Variants in KHNYN observed in about 807,000 individuals in gnomAD.
KHNYN encodes the protein protein KHNYN.
In KHNYN, 42 loss-of-function variants were observed where a neutral mutation model predicts 62.7. The observed-to-expected ratio is 0.67, with a 90% confidence interval of 0.52 to 0.87. The LOEUF (loss-of-function observed/expected upper bound fraction) is 0.87. Among genes scored for constraint, KHNYN ranks in the 40% least tolerant of loss-of-function variants. The pLI, the probability that KHNYN is intolerant of heterozygous loss-of-function variation, is 0.00. For synonymous variants in KHNYN, 347 were observed against 345.6 expected, an observed-to-expected ratio of 1.00 and a Z score of -0.04; for missense variants, 829 against 874.1, an observed-to-expected ratio of 0.95 and a Z score of 0.65.
chr14:24,432,779 C>G lies in KHNYN; in HGVS notation c.1407C>G (p.Phe469Leu). The G allele has an allele frequency of 6.2e-7, 1 of 1,614,224 alleles. No individual in the cohort carries two copies. Residue 469 changes from phenylalanine to leucine, a missense_variant, in exon 4 of 8, where the codon TTC becomes TTG. By Grantham distance (22) the Phe-to-Leu change is conservative (BLOSUM62 0). Transcript: ENST00000553935. This position sits in a 1 kb window ranked among gnomAD's most constrained non-coding sequence, Gnocchi z 5.6. ...GCATTGCCATTGCTGTGCAGTACTTCTGGGACCGTGGTCACCGTGACATAA... is the reference window on the plus strand; with the variant it reads ...GCATTGCCATTGCTGTGCAGTACTTGTGGGACCGTGGTCACCGTGACATAA... Reference protein sequence around the residue: ...SRGIAIAVQYFWDRGHRDITV... With the variant: ...SRGIAIAVQYLWDRGHRDITV...
Position 24,432,221 on chromosome 14 carries a change from T to A in KHNYN, c.960T>A (p.Cys320Ter). 6.2e-7 allele frequency: 1 copy of A among 1,603,050 alleles called. No homozygotes were observed. The highest frequency in any genetic ancestry group is 1.1e-5 in the South Asian group (1 of 89,524). ...EEIALGGGGF[C>*]VHREPPGAHG... ...TAGCTCTGGGAGGAGGAGGGTTCTG[T>A]GTCCACCGTGAGCCTCCCGGTGCCC... Residue 320 changes from cysteine (C) to a stop codon, truncating the protein, a stop_gained, in exon 3 of 8, where the codon TGT becomes TGA. Coordinates refer to ENST00000553935, the MANE Select transcript of KHNYN (RefSeq NM_015299.3). LOFTEE classifies it high-confidence loss of function. This position sits in a 1 kb window ranked among gnomAD's most constrained non-coding sequence, Gnocchi z 5.6.
In KHNYN at chr14:24,431,845, A is replaced by G. The variant is rs760827110; in HGVS notation, c.584A>G (p.Gln195Arg). ...CAGGAGGAGCTGCTGAGTCTGGTGC[A>G]GGAGGCGTCTAGTGGGCAGGGGCCA... ...AVQEELLSLV[Q>R]EASSGQGPGA... Residue 195 changes from glutamine (Q) to arginine (R), a missense_variant, in exon 3 of 8, where the codon CAG becomes CGG. Around this residue, in one of 2 missense-constraint regions of KHNYN, gnomAD observed 559 missense variants for 527.0 expected, o/e 1.06. Coordinates refer to ENST00000553935, the MANE Select transcript of KHNYN (RefSeq NM_015299.3). 8 of 1,614,004 alleles carry G rather than the reference A, an allele frequency of 5.0e-6. No homozygotes were observed. The highest frequency in any genetic ancestry group is 6.8e-6 in the Non-Finnish European group (8 of 1,180,026).
chr14:24,435,717 T>C (rs947097297), intron 5 of KHNYN: 45 of 291,488 alleles, frequency 1.5e-4, no homozygotes, highest in East Asian at 2.4e-4. Context: ...AGGATGCTAC[T>C]GGGAGACCAC....
intron 5 of KHNYN, chr14:24,435,776 T>C: frequency 2.2e-6 from 1 of 448,766 alleles, no homozygotes. Context: ...TTGCATCTAG[T>C]CAGTTGCCTG....
At chr14:24,434,260 G>A (rs1014232009) in intron 5 of KHNYN, 11 of 985,264 alleles carry the variant, frequency 1.1e-5, no homozygotes, top group African/African-American at 5.2e-5. Flanking sequence ...TTGGGAATTC[G>A]CCCAGTAACA....
chr14:24,427,856 C>A (rs761676366), upstream of KHNYN: 1 of 1,614,114 alleles, frequency 6.2e-7, no homozygotes, highest in Non-Finnish European at 8.5e-7. The surrounding 1 kb of genome is among the most constrained non-coding windows in gnomAD (Gnocchi z 4.4). Flanking sequence ...ATTCCCCCGA[C>A]GCAGGCGCAG....
At chr14:24,429,626 T>C, upstream of KHNYN, 1 of 1,089,130 alleles carries the variant, frequency 9.2e-7, no homozygotes, top group Non-Finnish European at 1.2e-6. Context: ...ACGATTGCTT[T>C]GGTGGAAAGT....
In KHNYN at chr14:24,441,504, AATTT is replaced by A. The variant is rs2043338256; in HGVS notation, c.*4220_*4223del. Reference sequence around the variant, plus strand: ...CTCCCCACTGTTTTTTCAGGGTCTCAATTTCTTAGTGAAAGTACACAAAGGTTAG... The same window carrying A: ...CTCCCCACTGTTTTTTCAGGGTCTCACTTAGTGAAAGTACACAAAGGTTAG... On this transcript the variant is annotated 3_prime_UTR_variant, in exon 8 of 8. Transcript: ENST00000553935. 1.7e-6 allele frequency: 1 copy of A among 585,050 alleles called. No individual in the cohort carries two copies. Among genetic ancestry groups the A allele is most frequent in the African/African-American group, 1.9e-5 (1 of 52,474 alleles). 36.2% of individuals were successfully genotyped at this position (585,050 alleles called of 1,614,324 possible).
chr14:24,440,435 A>T lies in KHNYN; in HGVS notation c.*3150A>T. ...TGAGCCGATGGGGCCCCCCAGGCCC[A>T]GGCGAAAGGGCAGCAGCATGTGGCC... On this transcript the variant is annotated 3_prime_UTR_variant, in exon 8 of 8. Transcript: ENST00000553935. 3 of 1,612,386 alleles carry T rather than the reference A, an allele frequency of 1.9e-6. No individual in the cohort carries two copies. Among genetic ancestry groups the T allele is most frequent in the African/African-American group, 1.3e-5 (1 of 75,022 alleles).
chr14:24,428,375 G>T (rs141000396), upstream of KHNYN: 2 of 1,613,854 alleles, frequency 1.2e-6, no homozygotes, highest in Admixed American at 1.7e-5. Flanking sequence ...CCAGAGGCCC[G>T]GTCAAAGCCA....
At chr14:24,428,319 A>G (rs760268491), upstream of KHNYN, 112 of 1,613,728 alleles carry the variant, frequency 6.9e-5, no homozygotes, top group Middle Eastern at 6.6e-4. Flanking sequence ...CCTTCACCAC[A>G]TGGAACCGGA....
At chr14:24,425,825 T>C (rs1488829394), upstream of KHNYN, among the ~76,000 whole-genome samples, 1 of 152,226 alleles carries the variant, frequency 6.6e-6, no homozygotes, top group Non-Finnish European at 1.5e-5. Context: ...AACACGCCAT[T>C]GGACTGTTTT....
chr14:24,432,126 C>T lies in KHNYN; in HGVS notation c.865C>T (p.Pro289Ser), dbSNP rs747861060. 5 of 1,551,822 alleles carry T rather than the reference C, an allele frequency of 3.2e-6. No individual in the cohort carries two copies. Among genetic ancestry groups the T allele is most frequent in the South Asian group, 2.5e-5 (2 of 80,866 alleles). ...GTGGGAGAGAGAAGTGGCCCTCAGG[C>T]CACAGTCAGTGGGTGGAGGGGCAAG... ...EAWEREVALR[P>S]QSVGGGARES... is the part of the protein sequence containing the mutation. The change falls in exon 3 of 8, where the codon CCA (proline) becomes TCA (serine). Residue 289 changes from proline (P) to serine (S), a missense_variant. Physicochemically the swap from Pro to Ser is moderately conservative, Grantham distance 74. Transcript: ENST00000553935. This position sits in a 1 kb window ranked among gnomAD's most constrained non-coding sequence, Gnocchi z 5.6.
upstream of KHNYN, chr14:24,426,684 T>G (rs989012183): frequency 6.6e-6 from 1 of 152,168 alleles, no homozygotes; most frequent in African/African-American, 2.4e-5. Flanking sequence ...GTTGTTTTAT[T>G]GATAGATTCA....
chr14:24,427,694 G>T, upstream of KHNYN: 1 of 1,132,302 alleles, frequency 8.8e-7, no homozygotes, highest in Non-Finnish European at 1.3e-6. The surrounding 1 kb of genome is among the most constrained non-coding windows in gnomAD (Gnocchi z 4.4). Context: ...AGGAGCCAGA[G>T]GGAGTCTCTC....
At position 24,441,680 on chromosome 14, in the gene KHNYN, C is replaced by T; in HGVS notation, c.*4395C>T. The T allele has an allele frequency of 6.3e-7, 1 of 1,583,744 alleles. No individual in the cohort carries two copies. ...GGTGATTTGGGGGGCGTACCTACAC[C>T]TGTGACTAAGACCCAGGCCTTGGGG... On this transcript the variant is annotated 3_prime_UTR_variant, in exon 8 of 8. Coordinates refer to ENST00000553935, the MANE Select transcript of KHNYN (RefSeq NM_015299.3).
chr14:24,440,876 C>T lies in KHNYN; in HGVS notation c.*3591C>T, dbSNP rs1226575949. 10 of 1,614,024 alleles carry T rather than the reference C, an allele frequency of 6.2e-6. No homozygotes were observed. Among genetic ancestry groups the T allele is most frequent in the East Asian group, 2.2e-5 (1 of 44,882 alleles). ...AGGTTGGAGAAAAAGTCAAAGTCCC[C>T]TCCTGGGCTGTCTTCATCATACTCC... On this transcript the variant is annotated 3_prime_UTR_variant, in exon 8 of 8. Coordinates refer to ENST00000553935, the MANE Select transcript of KHNYN (RefSeq NM_015299.3).
In KHNYN at chr14:24,432,578, T is replaced by G. The variant is rs1352564858; in HGVS notation, c.1317T>G (p.His439Gln). The change falls in exon 3 of 8, where the codon CAT (histidine) becomes CAG (glutamine). Residue 439 changes from histidine to glutamine, a missense_variant. Physicochemically the swap from His to Gln is conservative, Grantham distance 24 (BLOSUM62 0). Coordinates refer to ENST00000553935, the MANE Select transcript of KHNYN (RefSeq NM_015299.3). This position sits in a 1 kb window ranked among gnomAD's most constrained non-coding sequence, Gnocchi z 5.6. ...ANVPGQPDLRHIVIDGSNVAM... is the reference protein window; with the variant it reads ...ANVPGQPDLRQIVIDGSNVAM... ...TGCCTGGCCAGCCAGACCTCCGCCA[T>G]ATTGTCATTGACGGCAGCAACGTGG... 1.2e-6 allele frequency: 2 copies of G among 1,609,046 alleles called. No homozygotes were observed. The highest frequency in any genetic ancestry group is 2.2e-5 in the South Asian group (2 of 90,800).
At position 24,432,069 on chromosome 14, in the gene KHNYN, T is replaced by G. The variant is rs2043127470; in HGVS notation, c.808T>G (p.Trp270Gly). 2 of 1,574,740 alleles carry G rather than the reference T, an allele frequency of 1.3e-6. No homozygotes were observed. Among genetic ancestry groups the G allele is most frequent in the African/African-American group, 1.4e-5 (1 of 73,916 alleles). Residue 270 changes from tryptophan (W) to glycine (G), a missense_variant, in exon 3 of 8, where the codon TGG becomes GGG. Trp to Gly is a radical substitution (Grantham distance 184). This residue lies in a region of KHNYN where 559 missense variants were observed against 527.0 expected (regional missense o/e 1.06). Transcript: ENST00000553935. The surrounding 1 kb of genome is among the most constrained non-coding windows in gnomAD (Gnocchi z 5.6). ...GKQGGPREMDWGWKELPGEEA... is the reference protein window; with the variant it reads ...GKQGGPREMDGGWKELPGEEA... ...ACAGGGTGGTCCCAGGGAGATGGATTGGGGGTGGAAGGAGTTGCCTGGGGA... is the reference window on the plus strand; with the variant it reads ...ACAGGGTGGTCCCAGGGAGATGGATGGGGGGTGGAAGGAGTTGCCTGGGGA...
Sources: gnomAD v4.1 joint callset for allele counts (sites outside exome capture counted in the v4.1 genomes callset) on GRCh38, gnomAD v4.1.1 for gene constraint, gnomAD v4.1.1 regional missense constraint, Gnocchi (gnomAD v3.1) non-coding constraint, MANE v1.5 for transcripts, NCBI Gene and HGNC (gene_info 2026-07-23, HGNC 2026-07-21) for gene names.